NXPH3: variants seen among roughly 807,000 people sequenced by gnomAD.
NXPH3 encodes neurexophilin 3.
In NXPH3, 7 loss-of-function variants were observed where a neutral mutation model predicts 18.8. The ratio of observed to expected loss-of-function variants is 0.37; its 90% confidence interval spans 0.21 to 0.70. The LOEUF is 0.70. Ranked by LOEUF, NXPH3 falls within the 30% of genes least tolerant of loss-of-function variation. The pLI, the probability that NXPH3 is intolerant of heterozygous loss-of-function variation, is 0.53. For missense variants in NXPH3, 282 were observed against 338.1 expected (o/e 0.83, Z 1.30); for synonymous variants, 101 against 137.3 (o/e 0.74, Z 1.85).
Position 49,581,798 on chromosome 17 carries a change from A to T in NXPH3, c.*2498A>T, listed in dbSNP as rs2071601937. 3 of 701,856 alleles carry T rather than the reference A, an allele frequency of 4.3e-6. No individual in the cohort carries two copies. The highest frequency in any genetic ancestry group is 4.7e-4 in the Middle Eastern group (2 of 4,278). The allele number at this position is 701,856 out of a possible 1,614,324, so 43.5% of individuals were successfully genotyped here. A position where few individuals can be genotyped will look rare whatever the true frequency, so the allele number is the denominator to read the frequency against. On this transcript the variant is annotated 3_prime_UTR_variant, in exon 2 of 2. Transcript: ENST00000328741. ...TCCCCTGGCTGAACTCTCAGCAGGC[A>T]CTGGGGGCACTTTGACCCCCCTCCT...
At chr17:49,577,021 C>G (rs2071575090) in intron 1 of NXPH3, among the ~76,000 whole-genome samples, 1 of 152,162 alleles carries the variant, frequency 6.6e-6, no homozygotes, top group East Asian at 1.9e-4. Flanking sequence ...AGCCTCAGCC[C>G]CACATCTGGA....
intron 1 of NXPH3, among the ~76,000 whole-genome samples, chr17:49,577,150 A>G (rs1340120645): frequency 6.6e-6 from 1 of 152,024 alleles, no homozygotes; most frequent in Non-Finnish European, 1.5e-5. Flanking sequence ...CTCAGGAGCA[A>G]GTACCTACAG....
chr17:49,577,100 C>T (rs532827774), intron 1 of NXPH3, among the ~76,000 whole-genome samples: 56 of 152,276 alleles, frequency 3.7e-4, no homozygotes, highest in African/African-American at 1.3e-3. Flanking sequence ...CTTCCCTTCT[C>T]ACGGCCCCAC....
At chr17:49,576,816 C>A (rs2071573797) in intron 1 of NXPH3, among the ~76,000 whole-genome samples, 1 of 151,224 alleles carries the variant, frequency 6.6e-6, no homozygotes, top group Non-Finnish European at 1.5e-5. Context: ...CGGAGCCCCA[C>A]AGGACTTGGG....
At position 49,578,896 on chromosome 17, in the gene NXPH3, A is replaced by G. The variant is rs111605468; in HGVS notation, c.355A>G (p.Thr119Ala). The G allele has an allele frequency of 6.2e-7, 1 of 1,614,158 alleles. No individual in the cohort carries two copies. ...GACGGTGGCCCTGAACCTGCTCGTC[A>G]CAGGGAAGATTGTGGACCATGGCAA... ...IKTVALNLLV[T>A]GKIVDHGNGT... Residue 119 changes from threonine to alanine, a missense_variant, in exon 2 of 2, where the codon ACA becomes GCA. Thr to Ala is a moderately conservative substitution (Grantham distance 58, BLOSUM62 0). Coordinates refer to ENST00000328741, the MANE Select transcript of NXPH3 (RefSeq NM_007225.4). This position sits in a 1 kb window ranked among gnomAD's most constrained non-coding sequence, Gnocchi z 4.5.
chr17:49,579,063 C>A lies in NXPH3; in HGVS notation c.522C>A (p.Asn174Lys). 1 of 1,614,164 alleles carries A rather than the reference C, an allele frequency of 6.2e-7. No homozygotes were observed. Among genetic ancestry groups the A allele is most frequent in the Non-Finnish European group, 8.5e-7 (1 of 1,180,042 alleles). ...AAGCCAAGGCCTCCAAAATCTTCAACTGCCGGATGGAGTGGGAGAAGGTAG... is the reference window on the plus strand; with the variant it reads ...AAGCCAAGGCCTCCAAAATCTTCAAATGCCGGATGGAGTGGGAGAAGGTAG... Reference protein sequence around the residue: ...FIEAKASKIFNCRMEWEKVER... With the variant: ...FIEAKASKIFKCRMEWEKVER... The change falls in exon 2 of 2, where the codon AAC becomes AAA. Residue 174 changes from asparagine (N) to lysine (K), a missense_variant. Coordinates refer to ENST00000328741, the MANE Select transcript of NXPH3 (RefSeq NM_007225.4). The surrounding 1 kb of genome is among the most constrained non-coding windows in gnomAD (Gnocchi z 6.0).
At position 49,579,580 on chromosome 17, in the gene NXPH3, G is replaced by C; in HGVS notation, c.*280G>C. 1 of 464,746 alleles carries C rather than the reference G, an allele frequency of 2.2e-6. No individual in the cohort carries two copies. The highest frequency in any genetic ancestry group is 3.9e-6 in the Non-Finnish European group (1 of 258,170). 28.8% of individuals were successfully genotyped at this position (464,746 alleles called of 1,614,324 possible). Reference sequence around the variant, plus strand: ...CACAGGGCTTTGCCACGGAGCCACAGAGAGATGCTGGGTCCCCGAGGCCTG... The same window carrying C: ...CACAGGGCTTTGCCACGGAGCCACACAGAGATGCTGGGTCCCCGAGGCCTG... On this transcript the variant is annotated 3_prime_UTR_variant, in exon 2 of 2. Coordinates refer to ENST00000328741, the MANE Select transcript of NXPH3 (RefSeq NM_007225.4). This position sits in a 1 kb window ranked among gnomAD's most constrained non-coding sequence, Gnocchi z 6.0.
Position 49,578,169 on chromosome 17 carries a change from G to T in NXPH3, c.55-427G>T, listed in dbSNP as rs1250891222. Among the ~76,000 whole-genome samples the T allele has an allele frequency of 6.6e-6, 1 of 152,162 alleles. No homozygotes were observed. Among genetic ancestry groups the T allele is most frequent in the African/African-American group, 2.4e-5 (1 of 41,422 alleles). ...CAGCCTGGGGATTTCACAGAGGCAG[G>T]GATTCTACTTCCTATCAAATTGGGG... On this transcript the variant is annotated intron_variant, in intron 1 of 1. Transcript: ENST00000328741. This position sits in a 1 kb window ranked among gnomAD's most constrained non-coding sequence, Gnocchi z 4.5.
rs1597888107 is a variant in NXPH3, at chr17:49,578,986, G to A, written c.445G>A (p.Val149Met). ...CCAGGGAAACATCTCCATCAGCCTC[G>A]TGCCCCCCAGTAAAGCTGTAGAGTT... is the stretch of plus-strand genomic sequence containing the variant. Reference protein sequence around the residue: ...TGQGNISISLVPPSKAVEFHQ... With the variant: ...TGQGNISISLMPPSKAVEFHQ... The change falls in exon 2 of 2, where the codon GTG (valine) becomes ATG (methionine). Residue 149 changes from valine (V) to methionine (M), a missense_variant. By Grantham distance (21) the Val-to-Met change is conservative. Coordinates refer to ENST00000328741, the MANE Select transcript of NXPH3 (RefSeq NM_007225.4). This position sits in a 1 kb window ranked among gnomAD's most constrained non-coding sequence, Gnocchi z 4.5. 13 of 1,613,858 alleles carry A rather than the reference G, an allele frequency of 8.1e-6. No individual in the cohort carries two copies. Among genetic ancestry groups the A allele is most frequent in the African/African-American group, 2.7e-5 (2 of 74,836 alleles).
intron 1 of NXPH3, chr17:49,577,729 C>A (rs1597887447): frequency 1.3e-5 from 2 of 152,218 alleles, no homozygotes; most frequent in East Asian, 3.9e-4. Flanking sequence ...TCTCTGAGCC[C>A]CAGTGTCCTT....
In NXPH3 at chr17:49,581,907, G is replaced by A. The variant is rs1393935299; in HGVS notation, c.*2607G>A. 1.6e-6 allele frequency: 1 copy of A among 624,896 alleles called. No individual in the cohort carries two copies. The highest frequency in any genetic ancestry group is 2.9e-6 in the Non-Finnish European group (1 of 348,812). 38.7% of individuals were successfully genotyped at this position (624,896 alleles called of 1,614,324 possible). On this transcript the variant is annotated 3_prime_UTR_variant, in exon 2 of 2. Transcript: ENST00000328741. ...TGGCACACAGTTCTGCCTGCACCAG[G>A]GATGGATTCATTTTAATAACTTCAT... is the stretch of plus-strand genomic sequence containing the variant.
rs1003346541 is a variant in NXPH3 at position 49,578,463 on chromosome 17, G to A, written c.55-133G>A. ...AGCTAGAGTGTACACTTGCCCCCCA[G>A]CTTCAGTGGGCAAGACGCAGGAGCT... On this transcript the variant is annotated intron_variant, in intron 1 of 1. Transcript: ENST00000328741. This position sits in a 1 kb window ranked among gnomAD's most constrained non-coding sequence, Gnocchi z 4.5. 1.1e-5 allele frequency: 8 copies of A among 707,302 alleles called. No individual in the cohort carries two copies. The African/African-American group carries it at 1.2e-4, about 11-fold the overall frequency. 43.8% of individuals were successfully genotyped at this position (707,302 alleles called of 1,614,324 possible). A position where few individuals can be genotyped will look rare whatever the true frequency, so the allele number is the denominator to read the frequency against.
rs2071592447 is a variant in NXPH3 at position 49,580,107 on chromosome 17, G to A, written c.*807G>A. 1 of 152,472 alleles carries A rather than the reference G, an allele frequency of 6.6e-6. No individual in the cohort carries two copies. The highest frequency in any genetic ancestry group is 2.4e-5 in the African/African-American group (1 of 41,448). 9.4% of individuals were successfully genotyped at this position (152,472 alleles called of 1,614,324 possible). On this transcript the variant is annotated 3_prime_UTR_variant, in exon 2 of 2. Coordinates refer to ENST00000328741, the MANE Select transcript of NXPH3 (RefSeq NM_007225.4). ...TGCTGGCTCCTCTGGGAGCATCCATGTCCCGGAGAGGGGTCCCTCAACAGT... is the reference window on the plus strand; with the variant it reads ...TGCTGGCTCCTCTGGGAGCATCCATATCCCGGAGAGGGGTCCCTCAACAGT...
In NXPH3 at chr17:49,578,620, C is replaced by T. The variant is rs1265028664; in HGVS notation, c.79C>T (p.Pro27Ser). ...YLVICGQDDG[P>S]PGSEDPERDD... ...GGTCATCTGTGGCCAGGATGATGGT[C>T]CTCCCGGCTCAGAGGACCCTGAGCG... The change falls in exon 2 of 2, where the codon CCT becomes TCT. Residue 27 changes from proline to serine, a missense_variant. Physicochemically the swap from Pro to Ser is moderately conservative, Grantham distance 74. Coordinates refer to ENST00000328741, the MANE Select transcript of NXPH3 (RefSeq NM_007225.4). The surrounding 1 kb of genome is among the most constrained non-coding windows in gnomAD (Gnocchi z 4.5). 6.4e-7 allele frequency: 1 copy of T among 1,572,846 alleles called. No homozygotes were observed. The highest frequency in any genetic ancestry group is 8.6e-7 in the Non-Finnish European group (1 of 1,161,192).
rs2071601575 is a variant in NXPH3 at position 49,581,745 on chromosome 17, G to A, written c.*2445G>A. ...GCAGGAAGGAGGAGGAAGCAATGGG[G>A]CCAGAGGCCCTGGGCGCCCTCCCCA... On this transcript the variant is annotated 3_prime_UTR_variant, in exon 2 of 2. Coordinates refer to ENST00000328741, the MANE Select transcript of NXPH3 (RefSeq NM_007225.4). The A allele has an allele frequency of 1.4e-6, 1 of 702,326 alleles. No homozygotes were observed. The highest frequency in any genetic ancestry group is 2.0e-5 in the Admixed American group (1 of 49,978). The allele number at this position is 702,326 out of a possible 1,614,324, so 43.5% of individuals were successfully genotyped here.
chr17:49,580,683 T>G lies in NXPH3; in HGVS notation c.*1383T>G, dbSNP rs1467282628. The G allele has an allele frequency of 6.6e-6, 1 of 152,408 alleles. No homozygotes were observed. Among genetic ancestry groups the G allele is most frequent in the Non-Finnish European group, 1.5e-5 (1 of 68,166 alleles). 9.4% of individuals were successfully genotyped at this position (152,408 alleles called of 1,614,324 possible). A position where few individuals can be genotyped will look rare whatever the true frequency, so the allele number is the denominator to read the frequency against. On this transcript the variant is annotated 3_prime_UTR_variant, in exon 2 of 2. Coordinates refer to ENST00000328741, the MANE Select transcript of NXPH3 (RefSeq NM_007225.4). The stretch of plus-strand genomic sequence containing the variant: ...TTGGTGTCCTCCCTGAACTGCCATC[T>G]GCAGACCCAGCAGGGTCCTAGCCCC...
rs781447574 is a variant in NXPH3 at position 49,578,645 on chromosome 17, G to A, written c.104G>A (p.Arg35His). ...DGPPGSEDPE[R>H]DDHEGQPRPR... ...CCTCCCGGCTCAGAGGACCCTGAGC[G>A]TGATGACCACGAGGGCCAGCCCCGG... Residue 35 changes from arginine (R) to histidine (H), a missense_variant, in exon 2 of 2, where the codon CGT becomes CAT. Transcript: ENST00000328741. The surrounding 1 kb of genome is among the most constrained non-coding windows in gnomAD (Gnocchi z 4.5). 53 of 1,602,020 alleles carry A rather than the reference G, an allele frequency of 3.3e-5. No homozygotes were observed. Among genetic ancestry groups the A allele is most frequent in the African/African-American group, 4.0e-5 (3 of 74,734 alleles).
In NXPH3 at chr17:49,581,660, G is replaced by A; in HGVS notation, c.*2360G>A. On this transcript the variant is annotated 3_prime_UTR_variant, in exon 2 of 2. Transcript: ENST00000328741. ...GAGGCTTGAGACTGCTGGCACTGGA[G>A]CAGCCCACCAATGGACACCCACCGT... 1 of 702,588 alleles carries A rather than the reference G, an allele frequency of 1.4e-6. No homozygotes were observed. The highest frequency in any genetic ancestry group is 2.7e-5 in the East Asian group (1 of 37,282). 43.5% of individuals were successfully genotyped at this position (702,588 alleles called of 1,614,324 possible).
rs926058554 is a variant in NXPH3 at position 49,581,017 on chromosome 17, G to T, written c.*1717G>T. The T allele has an allele frequency of 2.6e-5, 4 of 154,154 alleles. No homozygotes were observed. The highest frequency in any genetic ancestry group is 2.0e-4 in the South Asian group (1 of 4,920). The allele number at this position is 154,154 out of a possible 1,614,324, so 9.5% of individuals were successfully genotyped here. ...CATCTCTGGCTATGGCTCCGCAGGA[G>T]GGGGAGACACCTCGGATGTGATTTC... is the stretch of plus-strand genomic sequence containing the variant. On this transcript the variant is annotated 3_prime_UTR_variant, in exon 2 of 2. Coordinates refer to ENST00000328741, the MANE Select transcript of NXPH3 (RefSeq NM_007225.4).
Sources: allele counts gnomAD v4.1 joint callset (sites outside exome capture counted in the v4.1 genomes callset), GRCh38; gene constraint gnomAD v4.1.1; non-coding constraint Gnocchi (gnomAD v3.1); transcripts MANE v1.5; gene names NCBI Gene and HGNC (gene_info 2026-07-23, HGNC 2026-07-21).